Variants in NAALAD2 observed in about 807,000 individuals in gnomAD.
NAALAD2 encodes the protein N-acetylated alpha-linked acidic dipeptidase 2.
Under a neutral mutation model 95.6 loss-of-function variants are expected in NAALAD2, and 89 were observed. The ratio of observed to expected loss-of-function variants is 0.93; its 90% CI spans 0.78 to 1.11. NAALAD2 has a LOEUF of 1.11. NAALAD2 is among the 50% of genes least tolerant of loss of function. The pLI, the probability that NAALAD2 is intolerant of heterozygous loss-of-function variation, is 0.00. For missense variants in NAALAD2, 894 were observed against 872.4 expected (o/e 1.02, Z -0.31); for synonymous variants, 264 against 294.4 (o/e 0.90, Z 1.06).
At chr11:90,156,244 A>G (rs1439733987) in intron 6 of NAALAD2, among the ~76,000 whole-genome samples, 1 of 151,908 alleles carries the variant, frequency 6.6e-6, no homozygotes, top group East Asian at 1.9e-4. Flanking sequence ...TTAAATTTAA[A>G]TAGAGACAGC....
intron 6 of NAALAD2, among the ~76,000 whole-genome samples, chr11:90,155,078 GTGTA>G (rs1411602030): frequency 3.3e-5 from 4 of 121,660 alleles, no homozygotes; most frequent in African/African-American, 1.4e-4. Flanking sequence ...GTATATATGT[GTGTA>G]TATATATTAT....
intron 4 of NAALAD2, 65 bp from the exon 5 acceptor site, chr11:90,150,417 C>G (rs1951856346): frequency 6.1e-6 from 7 of 1,143,242 alleles, no homozygotes; most frequent in Non-Finnish European, 8.3e-6. Context: ...GTGAAGCAAA[C>G]TTATTTTTTG....
chr11:90,169,065 T>G, intron 12 of NAALAD2, 73 bp downstream of exon 12: 1 of 1,027,136 alleles, frequency 9.7e-7, no homozygotes, highest in South Asian at 1.4e-5. Flanking sequence ...TATTATTGAG[T>G]AGAATACCAT....
chr11:90,158,128 G>A lies in NAALAD2; in HGVS notation c.797-17G>A, dbSNP rs759345290. 18 of 1,536,258 alleles carry A rather than the reference G, an allele frequency of 1.2e-5. No homozygotes were observed. The highest frequency in any genetic ancestry group is 7.0e-5 in the Admixed American group (4 of 57,214). On this transcript the variant is annotated splice_polypyrimidine_tract_variant and intron_variant, in intron 6 of 18. Coordinates refer to ENST00000534061, the MANE Select transcript of NAALAD2 (RefSeq NM_005467.4). ...GATTTTTAAATTGTTTTCATTTTAT[G>A]CATTTGATTTTTTTAGAATACACTT... is the stretch of plus-strand genomic sequence containing the variant.
intron 13 of NAALAD2, among the ~76,000 whole-genome samples, chr11:90,170,612 G>C (rs1952604731): frequency 6.6e-6 from 1 of 152,130 alleles, no homozygotes; most frequent in South Asian, 2.1e-4. Context: ...TGGTAAATGA[G>C]GAATTAGAAT....
Position 90,178,041 on chromosome 11 carries a change from G to A in NAALAD2, c.1782G>A (p.Leu594=). 2 of 1,613,740 alleles carry A rather than the reference G, an allele frequency of 1.2e-6. No individual in the cohort carries two copies. The highest frequency in any genetic ancestry group is 1.7e-6 in the Non-Finnish European group (2 of 1,179,862). Reference sequence around the variant, plus strand: ...ATATTCAAGACTATGCAGAAGCTTTGAAAAACTATGCAGCAAGTATCTATA... The same window carrying A: ...ATATTCAAGACTATGCAGAAGCTTTAAAAAACTATGCAGCAAGTATCTATA... ...PFNIQDYAEA[L]KNYAASIYNL... The change falls in exon 16 of 19, where the codon TTG becomes TTA. Residue 594 remains leucine (L), a synonymous_variant. Coordinates refer to ENST00000534061, the MANE Select transcript of NAALAD2 (RefSeq NM_005467.4).
chr11:90,187,007 G>A (rs1378875346), intron 18 of NAALAD2, among the ~76,000 whole-genome samples: 4 of 151,400 alleles, frequency 2.6e-5, no homozygotes, highest in African/African-American at 9.7e-5. Context: ...CAAAAAGTGG[G>A]CGAAGGACAT....
rs1297812054 is a variant in NAALAD2 at position 90,147,421 on chromosome 11, G to T, written c.286G>T (p.Asp96Tyr). 1 of 1,613,904 alleles carries T rather than the reference G, an allele frequency of 6.2e-7. No individual in the cohort carries two copies. The highest frequency in any genetic ancestry group is 1.3e-5 in the African/African-American group (1 of 74,900). Residue 96 changes from aspartate (D) to tyrosine (Y), a missense_variant, in exon 3 of 19, where the codon GAT (aspartate) becomes TAT (tyrosine). By Grantham distance (160) the Asp-to-Tyr change is radical (BLOSUM62 -3). Coordinates refer to ENST00000534061, the MANE Select transcript of NAALAD2 (RefSeq NM_005467.4). Reference sequence around the variant, plus strand: ...AACCCAGTGGAAGAAATTTGGACTAGATTCAGCCAAGTTGGTTCATTATGA... The same window carrying T: ...AACCCAGTGGAAGAAATTTGGACTATATTCAGCCAAGTTGGTTCATTATGA... ...IQTQWKKFGL[D>Y]SAKLVHYDVL...
chr11:90,186,405 C>A (rs1857144412), intron 18 of NAALAD2, among the ~76,000 whole-genome samples: 1 of 152,124 alleles, frequency 6.6e-6, no homozygotes, highest in Non-Finnish European at 1.5e-5. Flanking sequence ...ATATGTGCCA[C>A]ATTTTCTTAA....
upstream of NAALAD2, among the ~76,000 whole-genome samples, chr11:90,132,722 G>C (rs1452187950): frequency 6.6e-6 from 1 of 152,124 alleles, no homozygotes; most frequent in Non-Finnish European, 1.5e-5. Flanking sequence ...TTACTTCACT[G>C]GATATTGAAC....
intron 6 of NAALAD2, among the ~76,000 whole-genome samples, chr11:90,155,933 G>A (rs11018886): frequency 0.45 from 65,311 of 144,022 alleles, 15,769 homozygotes; most frequent in African/African-American, 0.63. Context: ...TAATGTATAT[G>A]TGATCTATTT....
intron 4 of NAALAD2, among the ~76,000 whole-genome samples, chr11:90,149,755 C>T (rs1951840040): frequency 6.6e-6 from 1 of 151,992 alleles, no homozygotes; most frequent in Non-Finnish European, 1.5e-5. Flanking sequence ...GGTGTTTTTA[C>T]AAGCTTCTTT....
chr11:90,156,251 C>G (rs1465941586), intron 6 of NAALAD2, among the ~76,000 whole-genome samples: 1 of 151,908 alleles, frequency 6.6e-6, no homozygotes, highest in Non-Finnish European at 1.5e-5. Context: ...TAAATAGAGA[C>G]AGCTCTTGCT....
chr11:90,171,701 A>G (rs1380914978), intron 13 of NAALAD2, among the ~76,000 whole-genome samples: 2 of 152,190 alleles, frequency 1.3e-5, no homozygotes, highest in Non-Finnish European at 2.9e-5. Flanking sequence ...TTACAATTTT[A>G]TTAATCCCTA....
intron 11 of NAALAD2, among the ~76,000 whole-genome samples, chr11:90,167,484 C>G (rs549831403): frequency 1.3e-5 from 2 of 152,194 alleles, no homozygotes; most frequent in African/African-American, 2.4e-5. Flanking sequence ...TCCTGCTCCA[C>G]GGCGACCAGT....
intron 1 of NAALAD2, 28 bp downstream of exon 1, chr11:90,134,868 C>G (rs767640815): frequency 1.2e-6 from 2 of 1,606,050 alleles, no homozygotes; most frequent in South Asian, 2.2e-5. Flanking sequence ...TCTACCCCGA[C>G]TCCGGGGCTC....
At chr11:90,144,785 A>C (rs557882756) in intron 2 of NAALAD2, among the ~76,000 whole-genome samples, 33 of 150,324 alleles carry the variant, frequency 2.2e-4, no homozygotes, top group African/African-American at 7.7e-4. Flanking sequence ...GGTCAAGGAA[A>C]CATTCAGAGA....
chr11:90,176,153 G>C, intron 15 of NAALAD2, 91 bp downstream of exon 15: 6 of 938,324 alleles, frequency 6.4e-6, no homozygotes, highest in Non-Finnish European at 1.0e-5. Context: ...CAGACACCTG[G>C]TGGATGTGGC....
intron 18 of NAALAD2, among the ~76,000 whole-genome samples, chr11:90,189,064 G>C (rs1226629373): frequency 6.6e-6 from 1 of 152,118 alleles, no homozygotes; most frequent in Admixed American, 6.5e-5. Flanking sequence ...CAGTCACAAG[G>C]GTCCTTAAAA....
Sources: allele counts gnomAD v4.1 joint callset (sites outside exome capture counted in the v4.1 genomes callset), GRCh38; gene constraint gnomAD v4.1.1; transcripts MANE v1.5; gene names NCBI Gene and HGNC (gene_info 2026-07-23, HGNC 2026-07-21).